ARHGEF4: variants seen among roughly 807,000 people sequenced by gnomAD.
ARHGEF4 encodes the protein Rho guanine nucleotide exchange factor 4.
ARHGEF4 carries 119 observed loss-of-function variants against 162.0 expected under a neutral mutation model. The ratio of observed to expected loss-of-function variants is 0.73; its 90% CI spans 0.63 to 0.86. The LOEUF (loss-of-function observed/expected upper bound fraction) is 0.86, where lower values mean the gene tolerates loss of function less well. Among genes scored for constraint, ARHGEF4 ranks in the 40% least tolerant of loss-of-function variants. The pLI is 0.00. For missense variants in ARHGEF4, 2,488 were observed against 2,456.0 expected (o/e 1.01, Z -0.28); for synonymous variants, 1,014 against 979.9 (o/e 1.03, Z -0.65).
At chr2:130,947,915 A>C (rs927738833) in intron 4 of ARHGEF4, among the ~76,000 whole-genome samples, 1 of 152,218 alleles carries the variant, frequency 6.6e-6, no homozygotes, top group Admixed American at 6.5e-5. Context: ...GGAGGGGCCA[A>C]ATCTGGTGTT....
chr2:131,031,324 A>G (rs1395853194), intron 5 of ARHGEF4, among the ~76,000 whole-genome samples: 1 of 152,268 alleles, frequency 6.6e-6, no homozygotes, highest in Non-Finnish European at 1.5e-5. Flanking sequence ...CACTCGGGGC[A>G]GAGCCGCGAG....
chr2:130,966,582 G>C (rs76184853), intron 4 of ARHGEF4, among the ~76,000 whole-genome samples: 1 of 152,350 alleles, frequency 6.6e-6, no homozygotes, highest in African/African-American at 2.4e-5. Flanking sequence ...CTGCGTCTGA[G>C]CAGAGCTTCA....
At chr2:130,853,915 C>T (rs1156369215) in intron 1 of ARHGEF4, among the ~76,000 whole-genome samples, 1 of 152,182 alleles carries the variant, frequency 6.6e-6, no homozygotes, top group Admixed American at 6.5e-5. Context: ...TACCTACAGG[C>T]TAGTCTCAGC....
At position 130,915,171 on chromosome 2, in the gene ARHGEF4, T is replaced by G. The variant is rs1168528841; in HGVS notation, c.1225T>G (p.Phe409Val). 6.5e-7 allele frequency: 1 copy of G among 1,550,344 alleles called. No individual in the cohort carries two copies. Among genetic ancestry groups the G allele is most frequent in the East Asian group, 2.4e-5 (1 of 40,900 alleles). Residue 409 changes from phenylalanine to valine, a missense_variant, in exon 2 of 14, where the codon TTT (phenylalanine) becomes GTT (valine). By Grantham distance (50) the Phe-to-Val change is conservative (BLOSUM62 -1). Around this residue, in one of 6 missense-constraint regions of ARHGEF4, gnomAD observed 1,642 missense variants for 1,481.5 expected, o/e 1.11. Transcript: ENST00000409359. Reference sequence around the variant, plus strand: ...GCAGGGTCCCTGCAAGCCTGGTGGGTTTCGCTTGCAAAGGGCCTCTCAGGA... The same window carrying G: ...GCAGGGTCCCTGCAAGCCTGGTGGGGTTCGCTTGCAAAGGGCCTCTCAGGA... ...HLQGPCKPGG[F>V]RLQRASQDTP...
chr2:131,046,209 C>T lies in ARHGEF4; in HGVS notation c.*20C>T, dbSNP rs749584532. The T allele has an allele frequency of 1.3e-6, 2 of 1,599,140 alleles. No homozygotes were observed. The highest frequency in any genetic ancestry group is 4.5e-5 in the East Asian group (2 of 44,326). ...AAGTGAACTGGTCCCTGCCTGACAG[C>T]ACCTGCTGGGCCTTCCTGCCAGTGG... On this transcript the variant is annotated 3_prime_UTR_variant, in exon 14 of 14. Transcript: ENST00000409359.
intron 4 of ARHGEF4, among the ~76,000 whole-genome samples, chr2:130,964,746 G>A (rs1216652482): frequency 6.6e-6 from 1 of 152,244 alleles, no homozygotes; most frequent in Non-Finnish European, 1.5e-5. Context: ...CAGGACTGCA[G>A]CTCCCAGCGG....
At chr2:130,977,398 G>A (rs995818226) in intron 4 of ARHGEF4, among the ~76,000 whole-genome samples, 8 of 151,768 alleles carry the variant, frequency 5.3e-5, no homozygotes, top group Non-Finnish European at 8.8e-5. Flanking sequence ...GTTGTGTGAT[G>A]TGTTTTTTGT....
chr2:130,904,719 T>C (rs1394608100), intron 1 of ARHGEF4, among the ~76,000 whole-genome samples: 2 of 152,088 alleles, frequency 1.3e-5, no homozygotes, highest in African/African-American at 4.8e-5. Flanking sequence ...CAAATATTTT[T>C]AAATTATGAA....
chr2:130,852,194 G>A (rs543300033), intron 1 of ARHGEF4, among the ~76,000 whole-genome samples: 3 of 152,348 alleles, frequency 2.0e-5, no homozygotes, highest in South Asian at 4.1e-4. Flanking sequence ...CTTCTGACGA[G>A]CTCATGGGTC....
chr2:130,838,673 G>A (rs780613476), intron 1 of ARHGEF4, among the ~76,000 whole-genome samples: 1 of 152,024 alleles, frequency 6.6e-6, no homozygotes, highest in Non-Finnish European at 1.5e-5. Flanking sequence ...AGGGAAGGAA[G>A]GAAAGAAACG....
intron 4 of ARHGEF4, among the ~76,000 whole-genome samples, chr2:130,952,831 A>G (rs1233383584): frequency 2.6e-5 from 4 of 152,208 alleles, no homozygotes; most frequent in Non-Finnish European, 5.9e-5. Flanking sequence ...TAAAATACCT[A>G]GGAATCCAAC....
chr2:130,842,510 A>T (rs1009841450), intron 1 of ARHGEF4, among the ~76,000 whole-genome samples: 3 of 152,176 alleles, frequency 2.0e-5, no homozygotes, highest in African/African-American at 7.2e-5. Flanking sequence ...TGTACAGGGC[A>T]GTTAGAAGTA....
intron 4 of ARHGEF4, among the ~76,000 whole-genome samples, chr2:130,981,607 A>C (rs1167053431): frequency 6.6e-6 from 1 of 151,394 alleles, no homozygotes; most frequent in Non-Finnish European, 1.5e-5. Flanking sequence ...TGCAGTGAGC[A>C]AGATTGCACC....
intron 9 of ARHGEF4, 78 bp from the exon 10 acceptor site, chr2:131,041,737 C>T (rs1279152690): frequency 6.5e-7 from 1 of 1,550,168 alleles, no homozygotes; most frequent in East Asian, 2.3e-5. Context: ...AGCAGCTCCA[C>T]ACGTGGGGGC....
At position 130,941,714 on chromosome 2, in the gene ARHGEF4, C is replaced by T. The variant is rs568313308; in HGVS notation, c.3859-4795C>T. 1.4e-4 allele frequency among the ~76,000 whole-genome samples: 22 copies of T among 152,258 alleles called. No homozygotes were observed. The South Asian group carries it at 3.5e-3, about 24-fold the overall frequency. On this transcript the variant is annotated intron_variant, in intron 3 of 13. Transcript: ENST00000409359. ...GAAGAGAAAATATATTTACTATTTA[C>T]TCACTGGAAGCGGGTTGTCATAAAG...
chr2:131,004,887 GC>G (rs1411113284), intron 4 of ARHGEF4, among the ~76,000 whole-genome samples: 1 of 152,198 alleles, frequency 6.6e-6, no homozygotes, highest in Non-Finnish European at 1.5e-5. Context: ...AGGTACAGGA[GC>G]AACCCCATTC....
At position 130,919,651 on chromosome 2, in the gene ARHGEF4, G is replaced by T. The variant is rs6752404; in HGVS notation, c.3552+2153G>T. ...AGCACTTTGGGAGGCCGAAGCGGGC[G>T]GATCACCTGAGGTCAGAAGTTCGAG... On this transcript the variant is annotated intron_variant, in intron 2 of 13. Coordinates refer to ENST00000409359, the MANE Select transcript of ARHGEF4 (RefSeq NM_001367493.1). 3.9e-5 allele frequency among the ~76,000 whole-genome samples: 6 copies of T among 152,216 alleles called. No homozygotes were observed. The South Asian group carries it at 1.2e-3, about 32-fold the overall frequency.
chr2:131,003,826 G>T (rs1687931391), intron 4 of ARHGEF4, among the ~76,000 whole-genome samples: 1 of 152,214 alleles, frequency 6.6e-6, no homozygotes, highest in Non-Finnish European at 1.5e-5. Context: ...CTTCTGGGAA[G>T]TAGGCTTTTC....
chr2:130,968,712 G>A lies in ARHGEF4; in HGVS notation c.3985+22077G>A, dbSNP rs1026019291. On this transcript the variant is annotated intron_variant, in intron 4 of 13. Coordinates refer to ENST00000409359, the MANE Select transcript of ARHGEF4 (RefSeq NM_001367493.1). ...AGGCGGGCAGATCACAAGGCCAGAA[G>A]TTTGAGACCAGCCCGGCCAAAATAG... is the stretch of plus-strand genomic sequence containing the variant. Among the ~76,000 whole-genome samples the A allele has an allele frequency of 5.3e-5, 8 of 152,166 alleles. No individual in the cohort carries two copies. In the East Asian group the frequency reaches 1.3e-3, roughly 26 times the overall value.
Sources: gnomAD v4.1 joint callset for allele counts (sites outside exome capture counted in the v4.1 genomes callset) on GRCh38, gnomAD v4.1.1 for gene constraint, gnomAD v4.1.1 regional missense constraint, MANE v1.5 for transcripts, NCBI Gene and HGNC (gene_info 2026-07-23, HGNC 2026-07-21) for gene names.